The following OR4K17 variants were observed in gnomAD, a reference collection of about 807,000 sequenced individuals.
OR4K17 encodes the protein olfactory receptor family 4 subfamily K member 17, also known as olfactory receptor 4K17.
For missense variants in OR4K17, 480 were observed against 366.3 expected (o/e 1.31, Z -2.53); for synonymous variants, 157 against 132.8 (o/e 1.18, Z -1.25).
intron 1 of OR4K17, among the ~76,000 whole-genome samples, chr14:20,111,745 A>G (rs185452247): frequency 6.6e-6 from 1 of 152,172 alleles, no homozygotes; most frequent in African/African-American, 2.4e-5. Context: ...AACTATAAGT[A>G]TATGCCAAAC....
chr14:20,112,741 GAGTA>G (rs1470210530), intron 1 of OR4K17, among the ~76,000 whole-genome samples: 1 of 152,038 alleles, frequency 6.6e-6, no homozygotes, highest in East Asian at 1.9e-4. Context: ...CGGCAGGCAG[GAGTA>G]AGTGAGTTTG....
rs1319481103 is a variant in OR4K17 at position 20,117,462 on chromosome 14, C to G, written c.-32-6C>G. 7 of 1,613,602 alleles carry G rather than the reference C, an allele frequency of 4.3e-6. No individual in the cohort carries two copies. The highest frequency in any genetic ancestry group is 5.9e-6 in the Non-Finnish European group (7 of 1,179,730). The stretch of plus-strand genomic sequence containing the variant: ...GGTATGAGTGATCTTTTCTTTCTCT[C>G]TACAGGTCATCCAAGAGCGAGCTGT... On this transcript the variant is annotated splice_region_variant and splice_polypyrimidine_tract_variant and intron_variant, in intron 1 of 1. Coordinates refer to ENST00000641386, the MANE Select transcript of OR4K17 (RefSeq NM_001004715.5).
chr14:20,117,940 C>T lies in OR4K17; in HGVS notation c.441C>T (p.Thr147=). ...NKKVCVLLVV[T]SWLLGLLHSG... ...AGGTATGTGTTTTGCTTGTAGTGAC[C>T]TCATGGCTCTTGGGTCTCCTTCACT... Residue 147 remains threonine, a synonymous_variant, in exon 2 of 2, where the codon ACC becomes ACT. Coordinates refer to ENST00000641386, the MANE Select transcript of OR4K17 (RefSeq NM_001004715.5). The T allele has an allele frequency of 2.1e-5, 34 of 1,614,018 alleles. No homozygotes were observed. Among genetic ancestry groups the T allele is most frequent in the Non-Finnish European group, 2.9e-5 (34 of 1,179,988 alleles).
chr14:20,118,661 A>G lies in OR4K17; in HGVS notation c.*223A>G. 1 of 364,702 alleles carries G rather than the reference A, an allele frequency of 2.7e-6. No homozygotes were observed. The highest frequency in any genetic ancestry group is 5.0e-6 in the Non-Finnish European group (1 of 201,728). 22.6% of individuals were successfully genotyped at this position (364,702 alleles called of 1,614,324 possible). A position where few individuals can be genotyped will look rare whatever the true frequency, so the allele number is the denominator to read the frequency against. ...ACATCACATGTCAGCGGGTTCCGTG[A>G]TGCCCCCCAAGCTGCAAAACCAGCA... On this transcript the variant is annotated 3_prime_UTR_variant, in exon 2 of 2. Transcript: ENST00000641386.
At chr14:20,113,540 C>T (rs1007112970) in intron 1 of OR4K17, among the ~76,000 whole-genome samples, 3 of 152,124 alleles carry the variant, frequency 2.0e-5, no homozygotes, top group East Asian at 1.9e-4. Flanking sequence ...TTTTTACACA[C>T]TATTTTAATT....
Position 20,119,925 on chromosome 14 carries a change from G to T in OR4K17, c.*1487G>T, listed in dbSNP as rs1878121764. 1 of 152,138 alleles carries T rather than the reference G, an allele frequency of 6.6e-6. No homozygotes were observed. The highest frequency in any genetic ancestry group is 1.5e-5 in the Non-Finnish European group (1 of 68,028). The allele number at this position is 152,138 out of a possible 1,614,324, so 9.4% of individuals were successfully genotyped here. Reference sequence around the variant, plus strand: ...TAAGTATAGAGTTATTAGCTACACTGAGATGAAGGCAAGTAAAATGCAGTA... The same window carrying T: ...TAAGTATAGAGTTATTAGCTACACTTAGATGAAGGCAAGTAAAATGCAGTA... On this transcript the variant is annotated 3_prime_UTR_variant, in exon 2 of 2. Transcript: ENST00000641386.
chr14:20,115,765 A>C (rs1464238787), intron 1 of OR4K17, among the ~76,000 whole-genome samples: 3 of 152,114 alleles, frequency 2.0e-5, no homozygotes, highest in Non-Finnish European at 4.4e-5. Flanking sequence ...TAGCATAGTA[A>C]AGTGACCAAG....
chr14:20,117,777 C>A lies in OR4K17; in HGVS notation c.278C>A (p.Ser93Tyr). Reference sequence around the variant, plus strand: ...TTGTTAAAAAAGCAGAAGGTAATTTCTTTTGCTGGGTGCTTCACTCAGATA... The same window carrying A: ...TTGTTAAAAAAGCAGAAGGTAATTTATTTTGCTGGGTGCTTCACTCAGATA... ...LNLLKKQKVI[S>Y]FAGCFTQIFL... Residue 93 changes from serine to tyrosine, a missense_variant, in exon 2 of 2, where the codon TCT becomes TAT. By Grantham distance (144) the Ser-to-Tyr change is moderately radical. Coordinates refer to ENST00000641386, the MANE Select transcript of OR4K17 (RefSeq NM_001004715.5). The A allele has an allele frequency of 1.2e-6, 2 of 1,614,080 alleles. No homozygotes were observed. The highest frequency in any genetic ancestry group is 2.2e-5 in the South Asian group (2 of 91,078).
intron 1 of OR4K17, among the ~76,000 whole-genome samples, chr14:20,115,081 C>T (rs748832002): frequency 1.3e-5 from 2 of 152,016 alleles, no homozygotes; most frequent in Non-Finnish European, 2.9e-5. Flanking sequence ...GCATATTATT[C>T]ACCAAATTAT....
Position 20,120,342 on chromosome 14 carries a change from T to C in OR4K17, c.*1904T>C, listed in dbSNP as rs979238131. 1 of 152,212 alleles carries C rather than the reference T, an allele frequency of 6.6e-6. No homozygotes were observed. Among genetic ancestry groups the C allele is most frequent in the Non-Finnish European group, 1.5e-5 (1 of 68,036 alleles). 9.4% of individuals were successfully genotyped at this position (152,212 alleles called of 1,614,324 possible). On this transcript the variant is annotated 3_prime_UTR_variant, in exon 2 of 2. Transcript: ENST00000641386. The stretch of plus-strand genomic sequence containing the variant: ...TTGTAGCTTCCAAAATAAGAATTCA[T>C]GAAGATACCTTTATGGTTGTTAATA...
At position 20,118,473 on chromosome 14, in the gene OR4K17, G is replaced by A. The variant is rs746624192; in HGVS notation, c.*35G>A. 8 of 1,261,908 alleles carry A rather than the reference G, an allele frequency of 6.3e-6. No individual in the cohort carries two copies. The highest frequency in any genetic ancestry group is 8.9e-6 in the Non-Finnish European group (8 of 898,610). 78.2% of individuals were successfully genotyped at this position (1,261,908 alleles called of 1,614,324 possible). A position where few individuals can be genotyped will look rare whatever the true frequency, so the allele number is the denominator to read the frequency against. Reference sequence around the variant, plus strand: ...ATAATGGTAGAGGCCGGGCATGGTGGCTGATGCCTGTAATCCCCACACTTT... The same window carrying A: ...ATAATGGTAGAGGCCGGGCATGGTGACTGATGCCTGTAATCCCCACACTTT... On this transcript the variant is annotated 3_prime_UTR_variant, in exon 2 of 2. Coordinates refer to ENST00000641386, the MANE Select transcript of OR4K17 (RefSeq NM_001004715.5).
rs1008400475 is a variant in OR4K17, at chr14:20,119,906, T to C, written c.*1468T>C. ...TATTTTTAAAGGTTTCTCTTAAGTATAGAGTTATTAGCTACACTGAGATGA... is the reference window on the plus strand; with the variant it reads ...TATTTTTAAAGGTTTCTCTTAAGTACAGAGTTATTAGCTACACTGAGATGA... On this transcript the variant is annotated 3_prime_UTR_variant, in exon 2 of 2. Coordinates refer to ENST00000641386, the MANE Select transcript of OR4K17 (RefSeq NM_001004715.5). 1.3e-5 allele frequency: 2 copies of C among 152,112 alleles called. No homozygotes were observed. Among genetic ancestry groups the C allele is most frequent in the Non-Finnish European group, 2.9e-5 (2 of 68,016 alleles). 9.4% of individuals were successfully genotyped at this position (152,112 alleles called of 1,614,324 possible). A position where few individuals can be genotyped will look rare whatever the true frequency, so the allele number is the denominator to read the frequency against.
chr14:20,113,315 A>G (rs745580840), intron 1 of OR4K17, among the ~76,000 whole-genome samples: 1 of 152,030 alleles, frequency 6.6e-6, no homozygotes, highest in Non-Finnish European at 1.5e-5. Context: ...TAATAATTGT[A>G]TTATCAACAA....
intron 1 of OR4K17, among the ~76,000 whole-genome samples, chr14:20,114,070 A>T (rs904536288): frequency 3.3e-5 from 5 of 152,006 alleles, no homozygotes; most frequent in Non-Finnish European, 4.4e-5. Context: ...TCTATGAATG[A>T]CTGTAAACCA....
rs926195398 is a variant in OR4K17, at chr14:20,121,531, G to C, written c.*3093G>C. On this transcript the variant is annotated 3_prime_UTR_variant, in exon 2 of 2. Coordinates refer to ENST00000641386, the MANE Select transcript of OR4K17 (RefSeq NM_001004715.5). The stretch of plus-strand genomic sequence containing the variant: ...TGTAGACTTTTTAAATGCAATCAAA[G>C]TTAGGTATTTATTCACTTAAAATAG... 6.6e-5 allele frequency: 10 copies of C among 152,078 alleles called. No individual in the cohort carries two copies. Among genetic ancestry groups the C allele is most frequent in the African/African-American group, 2.4e-4 (10 of 41,408 alleles). 9.4% of individuals were successfully genotyped at this position (152,078 alleles called of 1,614,324 possible).
Position 20,117,629 on chromosome 14 carries a change from C to A in OR4K17, c.130C>A (p.Leu44Ile). 1 of 1,613,810 alleles carries A rather than the reference C, an allele frequency of 6.2e-7. No homozygotes were observed. Among genetic ancestry groups the A allele is most frequent in the South Asian group, 1.1e-5 (1 of 91,070 alleles). ...TGTGGTCACAGTTTTGGGTAACCTT[C>A]TTATTATAGTCACAGTGTTTAACAC... is the stretch of plus-strand genomic sequence containing the variant. ...IYVVTVLGNL[L>I]IIVTVFNTPN... The change falls in exon 2 of 2, where the codon CTT (leucine) becomes ATT (isoleucine). Residue 44 changes from leucine (L) to isoleucine (I), a missense_variant. Physicochemically the swap from Leu to Ile is conservative, Grantham distance 5 (BLOSUM62 2). Transcript: ENST00000641386.
At chr14:20,114,770 A>T (rs1877951722) in intron 1 of OR4K17, among the ~76,000 whole-genome samples, 1 of 152,036 alleles carries the variant, frequency 6.6e-6, no homozygotes, top group Non-Finnish European at 1.5e-5. Flanking sequence ...ACTCCACCTG[A>T]TCAGTTAGTG....
Position 20,117,868 on chromosome 14 carries a change from T to C in OR4K17, c.369T>C (p.Tyr123=), listed in dbSNP as rs1594195997. 3.1e-6 allele frequency: 5 copies of C among 1,614,052 alleles called. No individual in the cohort carries two copies. Among genetic ancestry groups the C allele is most frequent in the Non-Finnish European group, 2.5e-6 (3 of 1,179,998 alleles). ...VLLVSMAFDR[Y]VAICKPLHYM... ...TGGTCTCCATGGCTTTTGACAGATATGTGGCCATTTGTAAGCCCCTACACT... is the reference window on the plus strand; with the variant it reads ...TGGTCTCCATGGCTTTTGACAGATACGTGGCCATTTGTAAGCCCCTACACT... The change falls in exon 2 of 2, where the codon TAT becomes TAC. Residue 123 remains tyrosine (Y), a synonymous_variant. Coordinates refer to ENST00000641386, the MANE Select transcript of OR4K17 (RefSeq NM_001004715.5).
chr14:20,118,000 C>G lies in OR4K17; in HGVS notation c.501C>G (p.Pro167=). 6.2e-7 allele frequency: 1 copy of G among 1,614,136 alleles called. No individual in the cohort carries two copies. Among genetic ancestry groups the G allele is most frequent in the Non-Finnish European group, 8.5e-7 (1 of 1,180,032 alleles). The change falls in exon 2 of 2, where the codon CCC becomes CCG. Residue 167 remains proline, a synonymous_variant. Coordinates refer to ENST00000641386, the MANE Select transcript of OR4K17 (RefSeq NM_001004715.5). ...AGATACCATTTGCTGTGAACTTGCC[C>G]TTTTGTGGTCCCAATGTGGTAGACA... The part of the protein sequence containing the change: ...GFQIPFAVNL[P]FCGPNVVDSI...
Sources: allele counts gnomAD v4.1 joint callset (sites outside exome capture counted in the v4.1 genomes callset), GRCh38; gene constraint gnomAD v4.1.1; transcripts MANE v1.5; gene names NCBI Gene and HGNC (gene_info 2026-07-23, HGNC 2026-07-21).